PDE1C: variants seen among roughly 807,000 people sequenced by gnomAD.
PDE1C encodes the protein phosphodiesterase 1C, also known as dual specificity calcium/calmodulin-dependent 3',5'-cyclic nucleotide phosphodiesterase 1C.
In PDE1C, 62 loss-of-function variants were observed where a neutral mutation model predicts 93.1. That is an observed-to-expected ratio of 0.67 (90% CI 0.54 to 0.82). The LOEUF is 0.82. Ranked by LOEUF, PDE1C falls within the 40% of genes least tolerant of loss-of-function variation. The probability of loss-of-function intolerance (pLI) is 0.00; values close to 1 mark genes in which losing one functional copy is unlikely to be tolerated. For missense variants in PDE1C, 742 were observed against 884.6 expected (o/e 0.84, Z 2.04); for synonymous variants, 325 against 310.1 (o/e 1.05, Z -0.50).
intron 2 of PDE1C, among the ~76,000 whole-genome samples, chr7:32,194,930 A>G (rs1804512966): frequency 6.6e-6 from 1 of 151,334 alleles, no homozygotes; most frequent in Non-Finnish European, 1.5e-5. Context: ...TCTTTGCATC[A>G]TTTTCTCAAT....
chr7:32,160,133 C>T (rs535977935), intron 3 of PDE1C, among the ~76,000 whole-genome samples: 112 of 152,206 alleles, frequency 7.4e-4, no homozygotes, highest in Middle Eastern at 3.4e-3. Flanking sequence ...AGTCAGATCA[C>T]ACCTGCCAGC....
chr7:31,620,208 A>T, the PDE1C span, among the ~76,000 whole-genome samples: 1 of 152,236 alleles, frequency 6.6e-6, no homozygotes, highest in South Asian at 2.1e-4. Flanking sequence ...GACAGCAGTA[A>T]CCTCTTCAGA....
At chr7:32,416,074 T>G (rs1426254652) in intron 1 of PDE1C, among the ~76,000 whole-genome samples, 3 of 152,060 alleles carry the variant, frequency 2.0e-5, no homozygotes, top group Non-Finnish European at 2.9e-5. Flanking sequence ...CAGGCAGCCT[T>G]CAGATGTGAT....
chr7:32,320,659 GC>G (rs1783271957), intron 1 of PDE1C, among the ~76,000 whole-genome samples: 1 of 151,564 alleles, frequency 6.6e-6, no homozygotes, highest in Non-Finnish European at 1.5e-5. Flanking sequence ...TTCCACATAA[GC>G]AAAATAAAAG....
At chr7:31,936,221 G>A (rs1223611289) in intron 2 of PDE1C, among the ~76,000 whole-genome samples, 1 of 152,088 alleles carries the variant, frequency 6.6e-6, no homozygotes, top group East Asian at 1.9e-4. Context: ...ATTAAGCAGG[G>A]AATGGTCCAT....
At chr7:31,828,236 T>C in intron 12 of PDE1C, 56 bp downstream of exon 12, 1 of 1,414,272 alleles carries the variant, frequency 7.1e-7, no homozygotes, top group Non-Finnish European at 1.0e-6. Flanking sequence ...CATCTGTGCT[T>C]ACTTCTACAG....
At chr7:32,109,605 C>A (rs1057107423) in intron 3 of PDE1C, among the ~76,000 whole-genome samples, 4 of 152,100 alleles carry the variant, frequency 2.6e-5, no homozygotes, top group African/African-American at 9.7e-5. Flanking sequence ...CAGACATTGT[C>A]AGATGTCCCT....
chr7:32,354,050 G>A (rs901091090), intron 1 of PDE1C, among the ~76,000 whole-genome samples: 3 of 152,162 alleles, frequency 2.0e-5, no homozygotes, highest in Admixed American at 6.5e-5. Context: ...GCATTTGCCT[G>A]TTTTCTTTCT....
At chr7:31,701,226 T>C in the PDE1C span, among the ~76,000 whole-genome samples, 266 of 152,230 alleles carry the variant, frequency 1.7e-3, 2 homozygotes, top group Admixed American at 3.9e-3. Context: ...GGTCAAAATA[T>C]CAAAAATAGC....
chr7:31,715,391 G>A, the PDE1C span, among the ~76,000 whole-genome samples: 6 of 152,032 alleles, frequency 3.9e-5, no homozygotes, highest in East Asian at 1.9e-4. Context: ...CATGCCCAGC[G>A]CCACGCCCAG....
chr7:32,383,807 C>G (rs1784576689), intron 1 of PDE1C, among the ~76,000 whole-genome samples: 1 of 152,170 alleles, frequency 6.6e-6, no homozygotes, highest in East Asian at 1.9e-4. Flanking sequence ...TTGGAGTCAG[C>G]CACTCCTGGG....
At chr7:32,144,073 C>G (rs1478784721) in intron 3 of PDE1C, among the ~76,000 whole-genome samples, 1 of 152,062 alleles carries the variant, frequency 6.6e-6, no homozygotes, top group Non-Finnish European at 1.5e-5. Flanking sequence ...AAGGGCTTGC[C>G]ATGGTGGGCA....
Position 32,033,199 on chromosome 7 carries a change from C to A in PDE1C, c.128+18355G>T, listed in dbSNP as rs188849998. Among the ~76,000 whole-genome samples the A allele has an allele frequency of 3.5e-3, 531 of 152,152 alleles. 1 individual carries two copies. Among genetic ancestry groups the A allele is most frequent in the Non-Finnish European group, 5.9e-3 (403 of 68,004 alleles). On this transcript the variant is annotated intron_variant, in intron 2 of 17. Coordinates refer to ENST00000396191, the MANE Select transcript of PDE1C (RefSeq NM_001191057.4). ...TTAGTTCCCAAAGCTGTCCTAGAGGCGTGATGCTCTGTGGTGCATTTGCTA... is the reference window on the plus strand; with the variant it reads ...TTAGTTCCCAAAGCTGTCCTAGAGGAGTGATGCTCTGTGGTGCATTTGCTA...
intron 1 of PDE1C, among the ~76,000 whole-genome samples, chr7:32,063,539 G>C (rs1427249618): frequency 6.6e-6 from 1 of 152,222 alleles, no homozygotes; most frequent in Non-Finnish European, 1.5e-5. Context: ...ATATTGAGTT[G>C]TAATTAACTA....
intron 1 of PDE1C, among the ~76,000 whole-genome samples, chr7:32,270,432 T>C (rs552216688): frequency 7.2e-5 from 11 of 152,176 alleles, no homozygotes; most frequent in East Asian, 1.9e-4. Context: ...CAGTCAAGAA[T>C]AGAAAAATAT....
At chr7:32,385,539 G>A (rs1021359647) in intron 1 of PDE1C, among the ~76,000 whole-genome samples, 2 of 152,300 alleles carry the variant, frequency 1.3e-5, no homozygotes, top group Admixed American at 1.3e-4. Flanking sequence ...ACCTGCTGGG[G>A]AGAAGAGAGC....
the PDE1C span, among the ~76,000 whole-genome samples, chr7:31,744,833 A>G: frequency 6.6e-6 from 1 of 152,184 alleles, no homozygotes; most frequent in African/African-American, 2.4e-5. Context: ...CAGTACTTTC[A>G]GTGGTAGGAT....
At chr7:32,091,746 C>T (rs1227205435) in intron 3 of PDE1C, among the ~76,000 whole-genome samples, 1 of 152,170 alleles carries the variant, frequency 6.6e-6, no homozygotes, top group Non-Finnish European at 1.5e-5. Context: ...TGGGCTTTTA[C>T]TCAGAGTGAA....
rs535872907 is a variant in PDE1C, at chr7:32,255,679, T to C, written c.85+42972A>G. Among the ~76,000 whole-genome samples the C allele has an allele frequency of 6.6e-5, 10 of 152,298 alleles. No individual in the cohort carries two copies. In the South Asian group the frequency reaches 8.3e-4, roughly 13 times the overall value. ...GGAAAGCTTCACCAAGGAGGGTACA[T>C]TTGTGATGGGCCTTGAAAATACATA... On this transcript the variant is annotated intron_variant, in intron 1 of 18. Coordinates refer to the PDE1C transcript ENST00000396193.
Sources: gnomAD v4.1 joint callset for allele counts (sites outside exome capture counted in the v4.1 genomes callset) on GRCh38, gnomAD v4.1.1 for gene constraint, MANE v1.5 for transcripts, NCBI Gene and HGNC (gene_info 2026-07-23, HGNC 2026-07-21) for gene names.